STK32C: variants seen among roughly 807,000 people sequenced by gnomAD.
The protein encoded by STK32C is serine/threonine-protein kinase 32C.
A neutral mutation model predicts 56.5 loss-of-function variants in STK32C; 31 were observed. The ratio of observed to expected loss-of-function variants is 0.55; its 90% CI spans 0.41 to 0.74. The LOEUF (loss-of-function observed/expected upper bound fraction) is 0.74, where lower values mean the gene tolerates loss of function less well. Among genes scored for constraint, STK32C ranks in the 30% least tolerant of loss-of-function variants. The pLI is 0.00. For synonymous variants in STK32C, 309 were observed against 289.4 expected (o/e 1.07, Z -0.69); for missense variants, 544 against 676.9 (o/e 0.80, Z 2.18).
At chr10:132,296,598 CA>C (rs1325690943) in intron 1 of STK32C, among the ~76,000 whole-genome samples, 4 of 152,210 alleles carry the variant, frequency 2.6e-5, no homozygotes, top group African/African-American at 7.2e-5. Flanking sequence ...GGTTGTTTAT[CA>C]GTGCTGACAT....
upstream of STK32C, chr10:132,308,050 C>T (rs1469381300): frequency 2.8e-6 from 2 of 706,938 alleles, no homozygotes; most frequent in Admixed American, 8.3e-5. Flanking sequence ...TGGAAGGGGT[C>T]GAGGCGGAGC....
intron 1 of STK32C, among the ~76,000 whole-genome samples, chr10:132,304,529 C>T (rs1190958291): frequency 6.6e-6 from 1 of 152,194 alleles, no homozygotes; most frequent in East Asian, 1.9e-4. Context: ...GGCAAATTGG[C>T]ATGCAGAGCA....
At chr10:132,253,516 TGAGGGAGCC>T (rs1309934875) in intron 1 of STK32C, among the ~76,000 whole-genome samples, 1 of 73,890 alleles carries the variant, frequency 1.4e-5, no homozygotes, top group Non-Finnish European at 2.5e-5. Flanking sequence ...CTGAGGGAGC[TGAGGGAGCC>T]GGAGGGAGCT....
At position 132,243,006 on chromosome 10, in the gene STK32C, C is replaced by T. The variant is rs567423358; in HGVS notation, c.318+2894G>A. 3.9e-5 allele frequency among the ~76,000 whole-genome samples: 6 copies of T among 152,348 alleles called. No individual in the cohort carries two copies. In the East Asian group the frequency reaches 9.6e-4, roughly 24 times the overall value. On this transcript the variant is annotated intron_variant, in intron 2 of 11. Coordinates refer to ENST00000298630, the MANE Select transcript of STK32C (RefSeq NM_173575.4). ...GGCCCACCTTACAGGCCAGAGGGGC[C>T]GGGGCTCGGCATGGGCTTGGGGTTC...
chr10:132,327,089 C>G (rs188471604), intron 1 of STK32C, among the ~76,000 whole-genome samples: 5 of 152,308 alleles, frequency 3.3e-5, no homozygotes, highest in Admixed American at 3.3e-4. Flanking sequence ...TTGGCTGTGT[C>G]TCCACTCAAA....
At chr10:132,237,836 G>A (rs919105912) in intron 2 of STK32C, among the ~76,000 whole-genome samples, 5 of 152,174 alleles carry the variant, frequency 3.3e-5, no homozygotes, top group African/African-American at 9.7e-5. Flanking sequence ...CCCCTTTCCC[G>A]ACCATTTAGG....
intron 1 of STK32C, among the ~76,000 whole-genome samples, chr10:132,286,550 T>C (rs185117837): frequency 6.6e-6 from 1 of 152,192 alleles, no homozygotes; most frequent in East Asian, 1.9e-4. Flanking sequence ...GAAAACTGAA[T>C]TCAGGAACAC....
In STK32C at chr10:132,208,106, A is replaced by G. The variant is rs561939647; in HGVS notation, c.1365T>C (p.Pro455=). The part of the protein sequence containing the change: ...QDLPREPLPA[P]ESRDAAEPVE... ...CAGGCTCCGCAGCATCCCTGGACTC[A>G]GGGGCGGGGAGAGGCTCCCTCGGGA... Residue 455 remains proline, a synonymous_variant, in exon 12 of 12, where the codon CCT becomes CCC. Transcript: ENST00000298630. 20 of 1,310,824 alleles carry G rather than the reference A, an allele frequency of 1.5e-5. No individual in the cohort carries two copies. The East Asian group carries it at 2.5e-4, about 17-fold the overall frequency. The allele number at this position is 1,310,824 out of a possible 1,614,324, so 81.2% of individuals were successfully genotyped here. A position where few individuals can be genotyped will look rare whatever the true frequency, so the allele number is the denominator to read the frequency against.
chr10:132,320,532 G>A (rs1047697943), downstream of STK32C, among the ~76,000 whole-genome samples: 2 of 152,078 alleles, frequency 1.3e-5, no homozygotes, highest in Admixed American at 6.6e-5. Flanking sequence ...TCCCACCCCC[G>A]CAGAGGCTGG....
At chr10:132,324,338 G>T (rs1212096248) in exon 2 of STK32C, 1 of 779,402 alleles carries the variant, frequency 1.3e-6, no homozygotes, top group Admixed American at 1.7e-5. Context: ...CATCTTCCTG[G>T]CAAAATCCCA....
At chr10:132,228,211 TG>T in intron 2 of STK32C, 83 bp from the exon 3 acceptor site, 1 of 1,589,112 alleles carries the variant, frequency 6.3e-7, no homozygotes. Flanking sequence ...TGGGGATGCC[TG>T]GGGACGCATC....
At chr10:132,296,829 G>A (rs992943327) in intron 1 of STK32C, among the ~76,000 whole-genome samples, 13 of 152,204 alleles carry the variant, frequency 8.5e-5, no homozygotes, top group African/African-American at 1.2e-4. Flanking sequence ...AGGCGACCCC[G>A]GGGCATGGTG....
At chr10:132,310,354 ACAACTCTTGTACTGTCCAGGTG>A (rs983071988), upstream of STK32C, among the ~76,000 whole-genome samples, 5 of 152,214 alleles carry the variant, frequency 3.3e-5, no homozygotes, top group African/African-American at 9.6e-5. This position sits in a 1 kb window ranked among gnomAD's most constrained non-coding sequence, Gnocchi z 4.6. Flanking sequence ...GGCTCAGGGC[ACAACTCTTGTACTGTCCAGGTG>A]CAACTCTTGT....
chr10:132,209,328 G>A (rs761963344), intron 10 of STK32C: 18 of 710,354 alleles, frequency 2.5e-5, no homozygotes, highest in Admixed American at 1.3e-4. Context: ...CAGCTCCCTT[G>A]CCTCTGGGTG....
intron 1 of STK32C, among the ~76,000 whole-genome samples, chr10:132,290,986 T>C (rs2065546231): frequency 6.6e-6 from 1 of 152,210 alleles, no homozygotes; most frequent in African/African-American, 2.4e-5. Flanking sequence ...CGGCTTCCGC[T>C]GCCTTGGCTC....
intron 1 of STK32C, among the ~76,000 whole-genome samples, chr10:132,246,556 C>A (rs569624101): frequency 6.6e-6 from 1 of 152,184 alleles, no homozygotes. Context: ...AGCCTGCGCC[C>A]AGCATGAGAG....
At chr10:132,263,414 G>A (rs1443451033) in intron 1 of STK32C, among the ~76,000 whole-genome samples, 1 of 152,044 alleles carries the variant, frequency 6.6e-6, no homozygotes, top group Non-Finnish European at 1.5e-5. Flanking sequence ...ATAAAGACAG[G>A]AACAATGGAC....
intron 8 of STK32C, among the ~76,000 whole-genome samples, chr10:132,223,472 G>A (rs991670272): frequency 1.3e-4 from 20 of 152,342 alleles, no homozygotes; most frequent in African/African-American, 4.8e-4. Flanking sequence ...GGAAAATGCC[G>A]CAGACCCAGA....
intron 1 of STK32C, among the ~76,000 whole-genome samples, chr10:132,303,554 G>A (rs910806801): frequency 5.3e-5 from 8 of 152,224 alleles, no homozygotes; most frequent in East Asian, 3.8e-4. Flanking sequence ...CAGGAAGGGC[G>A]AGAGGAACCT....
Sources: gnomAD v4.1 joint callset for allele counts (sites outside exome capture counted in the v4.1 genomes callset) on GRCh38, gnomAD v4.1.1 for gene constraint, Gnocchi (gnomAD v3.1) non-coding constraint, MANE v1.5 for transcripts, NCBI Gene and HGNC (gene_info 2026-07-23, HGNC 2026-07-21) for gene names.